Variants in ADGRL3 observed in about 807,000 individuals in gnomAD.
ADGRL3 encodes the protein calcium-independent alpha-latrotoxin receptor 3.
ADGRL3 carries 62 observed loss-of-function variants against 153.5 expected under a neutral mutation model. That is an observed-to-expected ratio of 0.40 (90% confidence interval 0.33 to 0.50). ADGRL3 has a LOEUF of 0.50. ADGRL3 is among the 20% of genes least tolerant of loss of function. ADGRL3 has a pLI of 0.47. For synonymous variants in ADGRL3, 710 were observed against 672.5 expected (o/e 1.06, Z -0.86); for missense variants, 1,641 against 1,859.4 (o/e 0.88, Z 2.16).
intron 2 of ADGRL3, among the ~76,000 whole-genome samples, chr4:61,407,711 A>G (rs1319120102): frequency 6.6e-6 from 1 of 152,198 alleles, no homozygotes; most frequent in Non-Finnish European, 1.5e-5. Flanking sequence ...GGGAGACTGC[A>G]TTAGCTCATA....
intron 6 of ADGRL3, among the ~76,000 whole-genome samples, chr4:61,699,301 C>G (rs1328790830): frequency 6.6e-6 from 1 of 151,860 alleles, no homozygotes; most frequent in Non-Finnish European, 1.5e-5. Flanking sequence ...AGATTCATTC[C>G]AAAAGGATGT....
chr4:61,980,152 A>T (rs968489009), intron 18 of ADGRL3, among the ~76,000 whole-genome samples: 3 of 151,980 alleles, frequency 2.0e-5, no homozygotes, highest in Non-Finnish European at 4.4e-5. Flanking sequence ...CTGCATCAAC[A>T]CATCATTATC....
At chr4:61,699,887 G>A (rs147931223) in intron 6 of ADGRL3, among the ~76,000 whole-genome samples, 505 of 151,844 alleles carry the variant, frequency 3.3e-3, no homozygotes, top group African/African-American at 0.012. Context: ...GATAAACTAT[G>A]CTTATAAGAA....
At chr4:61,603,585 C>T (rs1304091197) in intron 5 of ADGRL3, among the ~76,000 whole-genome samples, 1 of 152,098 alleles carries the variant, frequency 6.6e-6, no homozygotes, top group Admixed American at 6.6e-5. Flanking sequence ...TTTAATTATG[C>T]TCTTTTATGT....
chr4:61,349,995 A>G (rs1468880096), intron 1 of ADGRL3, among the ~76,000 whole-genome samples: 1 of 152,220 alleles, frequency 6.6e-6, no homozygotes, highest in Non-Finnish European at 1.5e-5. Context: ...ACGCAGAACA[A>G]GAACACTATT....
At chr4:61,258,093 C>A (rs929508940) in intron 1 of ADGRL3, among the ~76,000 whole-genome samples, 1 of 152,190 alleles carries the variant, frequency 6.6e-6, no homozygotes, top group Non-Finnish European at 1.5e-5. Context: ...CCTATCCCCC[C>A]CAGACTAAAT....
intron 2 of ADGRL3, among the ~76,000 whole-genome samples, chr4:61,496,002 C>T (rs1183148997): frequency 2.0e-5 from 3 of 152,176 alleles, no homozygotes; most frequent in African/African-American, 2.4e-5. Context: ...GCATAATAAT[C>T]TGTCTTTAAT....
At chr4:61,583,655 G>A (rs775330949) in intron 4 of ADGRL3, 3 of 518,234 alleles carry the variant, frequency 5.8e-6, no homozygotes, top group South Asian at 2.8e-5. Context: ...TATCAGAGAT[G>A]TTTAATTAGT....
At chr4:61,244,308 G>C (rs1408886102) in intron 1 of ADGRL3, among the ~76,000 whole-genome samples, 1 of 151,924 alleles carries the variant, frequency 6.6e-6, no homozygotes, top group Non-Finnish European at 1.5e-5. Context: ...ATGTTTCAAT[G>C]ATATAAATGC....
At position 62,031,530 on chromosome 4, in the gene ADGRL3, A is replaced by G; in HGVS notation, c.3511A>G (p.Ile1171Val). The change falls in exon 23 of 27, where the codon ATC (isoleucine) becomes GTC (valine). Residue 1171 changes from isoleucine (I) to valine (V), a missense_variant. Coordinates refer to ENST00000683033, the MANE Select transcript of ADGRL3 (RefSeq NM_001387552.1). Reference protein sequence around the residue: ...GLMYINESTVIMAYLFTIFNS... With the variant: ...GLMYINESTVVMAYLFTIFNS... ...CATGTATATTAATGAAAGCACAGTC[A>G]TCATGGCCTATCTCTTCACCATTTT... 1 of 1,610,530 alleles carries G rather than the reference A, an allele frequency of 6.2e-7. No individual in the cohort carries two copies. The highest frequency in any genetic ancestry group is 1.1e-5 in the South Asian group (1 of 90,974).
intron 6 of ADGRL3, among the ~76,000 whole-genome samples, chr4:61,703,398 C>T (rs1469115537): frequency 6.6e-6 from 1 of 151,896 alleles, no homozygotes; most frequent in African/African-American, 2.4e-5. Flanking sequence ...TGAGTAAAAA[C>T]AAAAGTTTAT....
At chr4:61,371,501 G>A (rs934987613) in intron 1 of ADGRL3, among the ~76,000 whole-genome samples, 17 of 151,054 alleles carry the variant, frequency 1.1e-4, no homozygotes, top group African/African-American at 4.1e-4. Context: ...GCTTAGTTTG[G>A]CTGGATATGA....
chr4:61,560,726 T>G (rs2098791580), intron 4 of ADGRL3, among the ~76,000 whole-genome samples: 1 of 152,204 alleles, frequency 6.6e-6, no homozygotes, highest in African/African-American at 2.4e-5. Flanking sequence ...GGAGGTCTAT[T>G]ATCTCCATGC....
chr4:61,921,835 T>A (rs1160865923), intron 13 of ADGRL3, among the ~76,000 whole-genome samples: 1 of 152,150 alleles, frequency 6.6e-6, no homozygotes, highest in African/African-American at 2.4e-5. Context: ...AGAAAAGACT[T>A]TGGGGATAAC....
chr4:61,465,908 A>G (rs778987332), intron 2 of ADGRL3, among the ~76,000 whole-genome samples: 1 of 151,632 alleles, frequency 6.6e-6, no homozygotes, highest in Admixed American at 6.6e-5. Flanking sequence ...GATTGCCTGA[A>G]CTCAGGTGTT....
intron 1 of ADGRL3, among the ~76,000 whole-genome samples, chr4:61,330,859 T>C (rs2095558483): frequency 6.6e-6 from 1 of 152,154 alleles, no homozygotes; most frequent in Non-Finnish European, 1.5e-5. Flanking sequence ...GAGTGCTGAT[T>C]GGTGCATTTA....
At chr4:61,242,918 T>C (rs1755594210) in intron 1 of ADGRL3, among the ~76,000 whole-genome samples, 1 of 152,116 alleles carries the variant, frequency 6.6e-6, no homozygotes, top group Non-Finnish European at 1.5e-5. Flanking sequence ...GCAAGGCGCT[T>C]TTTAGCGTGC....
intron 5 of ADGRL3, among the ~76,000 whole-genome samples, chr4:61,590,254 A>G (rs2098964005): frequency 6.6e-6 from 1 of 152,078 alleles, no homozygotes; most frequent in African/African-American, 2.4e-5. Flanking sequence ...ACCTAAAACC[A>G]ACTTTGGATA....
intron 2 of ADGRL3, chr4:61,426,990 T>G (rs913251058): frequency 2.0e-5 from 3 of 152,200 alleles, no homozygotes; most frequent in African/African-American, 4.8e-5. Flanking sequence ...TCCCCTTTTT[T>G]ATGGCACAAA....
Sources: gnomAD v4.1 joint callset for allele counts (sites outside exome capture counted in the v4.1 genomes callset) on GRCh38, gnomAD v4.1.1 for gene constraint, MANE v1.5 for transcripts, NCBI Gene and HGNC (gene_info 2026-07-23, HGNC 2026-07-21) for gene names.